Variants in ABAT observed in about 807,000 individuals in gnomAD.
The protein encoded by ABAT is 4-aminobutyrate aminotransferase, mitochondrial.
Under a neutral mutation model 64.6 loss-of-function variants are expected in ABAT, and 45 were observed. The observed-to-expected ratio is 0.70, with a 90% CI of 0.55 to 0.89. The LOEUF is 0.89. Among genes scored for constraint, ABAT ranks in the 40% least tolerant of loss-of-function variants. ABAT has a pLI of 0.00. For missense variants in ABAT, 633 were observed against 658.4 expected (o/e 0.96, Z 0.42); for synonymous variants, 297 against 250.5 (o/e 1.19, Z -1.75).
intron 9 of ABAT, among the ~76,000 whole-genome samples, chr16:8,767,713 T>G (rs772216074): frequency 5.3e-5 from 8 of 152,216 alleles, no homozygotes; most frequent in Non-Finnish European, 1.0e-4. Context: ...CTCGCTCTTG[T>G]TGACCAGGCT....
chr16:8,739,739 C>T (rs1026564292), intron 2 of ABAT, among the ~76,000 whole-genome samples: 8 of 137,334 alleles, frequency 5.8e-5, no homozygotes, highest in African/African-American at 2.1e-4. Context: ...CATGGAAATA[C>T]AGGCACAATG....
chr16:8,754,977 C>A (rs1596458007), intron 5 of ABAT, among the ~76,000 whole-genome samples: 1 of 152,170 alleles, frequency 6.6e-6, no homozygotes, highest in African/African-American at 2.4e-5. Flanking sequence ...CCTCGGCCTC[C>A]CAAGTGAGAT....
intron 1 of ABAT, among the ~76,000 whole-genome samples, chr16:8,726,996 G>C (rs752791820): frequency 6.6e-6 from 1 of 152,170 alleles, no homozygotes; most frequent in Non-Finnish European, 1.5e-5. Context: ...CTTCTTTTGA[G>C]AAATATCTAT....
At chr16:8,780,887 C>A (rs1314918466) in intron 15 of ABAT, 2 of 432,996 alleles carry the variant, frequency 4.6e-6, no homozygotes, top group African/African-American at 4.0e-5. Flanking sequence ...GCACCTCACA[C>A]ATGCTTCCGA....
At chr16:8,698,354 A>G (rs1359184745) in intron 1 of ABAT, among the ~76,000 whole-genome samples, 2 of 149,528 alleles carry the variant, frequency 1.3e-5, no homozygotes. Context: ...TTTCTTTGAG[A>G]CGGAGTTCCA....
chr16:8,781,630 G>T lies in ABAT; in HGVS notation c.*200G>T. ...TGGTGTTGATTTTCCTCCCTGCAGA[G>T]CCAATGGTGCACATTGGTTTAAGCC... On this transcript the variant is annotated 3_prime_UTR_variant, in exon 16 of 16. Coordinates refer to ENST00000268251, the MANE Select transcript of ABAT (RefSeq NM_020686.6). The surrounding 1 kb of genome is among the most constrained non-coding windows in gnomAD (Gnocchi z 4.5). The T allele has an allele frequency of 2.9e-6, 2 of 690,904 alleles. No individual in the cohort carries two copies. The highest frequency in any genetic ancestry group is 5.0e-6 in the Non-Finnish European group (2 of 403,886). The allele number at this position is 690,904 out of a possible 1,614,324, so 42.8% of individuals were successfully genotyped here.
chr16:8,769,096 GA>G, intron 11 of ABAT, 123 bp downstream of exon 11: 1 of 1,383,110 alleles, frequency 7.2e-7, no homozygotes, highest in Non-Finnish European at 1.0e-6. Flanking sequence ...TGCTCCCCCA[GA>G]GGGAAGCAGG....
At chr16:8,765,960 A>G in intron 8 of ABAT, 2 of 450,432 alleles carry the variant, frequency 4.4e-6, no homozygotes, top group South Asian at 2.0e-5. Flanking sequence ...CGCTCTCAGC[A>G]GATCTTAATC....
chr16:8,676,428 T>A (rs1169925532), intron 1 of ABAT, among the ~76,000 whole-genome samples: 1 of 152,058 alleles, frequency 6.6e-6, no homozygotes, highest in Non-Finnish European at 1.5e-5. Context: ...ACTTGGGGAC[T>A]GCTGGGTCCC....
intron 1 of ABAT, among the ~76,000 whole-genome samples, chr16:8,676,041 T>A (rs1448769925): frequency 9.1e-6 from 1 of 109,546 alleles, no homozygotes; most frequent in South Asian, 3.4e-4. Context: ...GACCTGGGGG[T>A]GGGGAGGGGG....
At chr16:8,678,236 C>T (rs1730957) in intron 1 of ABAT, among the ~76,000 whole-genome samples, 38,039 of 152,038 alleles carry the variant, frequency 0.25, 5,116 homozygotes, top group African/African-American at 0.33. Context: ...TTGTTTTTCT[C>T]TTTAGTAGAG....
intron 1 of ABAT, among the ~76,000 whole-genome samples, chr16:8,711,074 A>C (rs2058060231): frequency 6.6e-6 from 1 of 152,202 alleles, no homozygotes; most frequent in South Asian, 2.1e-4. Context: ...AATTTATATC[A>C]ATGAGACAAA....
At chr16:8,742,276 C>A (rs1374112215) in intron 2 of ABAT, among the ~76,000 whole-genome samples, 1 of 152,212 alleles carries the variant, frequency 6.6e-6, no homozygotes. Context: ...CGCAGCTCCC[C>A]CTGTGTACTG....
chr16:8,772,927 C>T lies in ABAT; in HGVS notation c.954+10C>T. 1.2e-6 allele frequency: 2 copies of T among 1,613,244 alleles called. No homozygotes were observed. Among genetic ancestry groups the T allele is most frequent in the Non-Finnish European group, 1.7e-6 (2 of 1,179,950 alleles). On this transcript the variant is annotated intron_variant, in intron 12 of 15. Transcript: ENST00000268251. ...AGACATCGCCAGGAAGGTCAGTGGACAGGGCCGAGGTTGGATGGAGCCATT... is the reference window on the plus strand; with the variant it reads ...AGACATCGCCAGGAAGGTCAGTGGATAGGGCCGAGGTTGGATGGAGCCATT...
At chr16:8,746,247 A>G (rs1254818742) in intron 3 of ABAT, 149 bp downstream of exon 3, 1 of 720,268 alleles carries the variant, frequency 1.4e-6, no homozygotes, top group East Asian at 2.8e-5. Context: ...CAATGAGGCC[A>G]TTTTGCCATA....
At chr16:8,765,741 G>A (rs9937937) in intron 8 of ABAT, 11,542 of 153,442 alleles carry the variant, frequency 0.075, 1,290 homozygotes, top group African/African-American at 0.24. Context: ...AAGGTCTCTG[G>A]GTTGTGCCTC....
intron 1 of ABAT, among the ~76,000 whole-genome samples, chr16:8,723,809 T>TATATATA (rs2058445970): frequency 4.5e-5 from 2 of 44,808 alleles, no homozygotes; most frequent in Admixed American, 4.2e-4. Context: ...TCCAAGCTTT[T>TATATATA]TATATATATA....
At chr16:8,766,050 C>T (rs895480588) in intron 8 of ABAT, 158 bp from the exon 9 acceptor site, 11 of 690,626 alleles carry the variant, frequency 1.6e-5, no homozygotes, top group South Asian at 4.8e-5. Flanking sequence ...AGTTGGTAGC[C>T]TCACGTTTCA....
chr16:8,776,898 T>C lies in ABAT; in HGVS notation c.1269+408T>C, dbSNP rs2060280848. ...CTTTCTTATTTATTTTATTTTATTT[T>C]ATTTGTCTATTTATTTTTTGAGACC... is the stretch of plus-strand genomic sequence containing the variant. On this transcript the variant is annotated intron_variant, in intron 14 of 15. Coordinates refer to ENST00000268251, the MANE Select transcript of ABAT (RefSeq NM_020686.6). The surrounding 1 kb of genome is among the most constrained non-coding windows in gnomAD (Gnocchi z 4.4). Among the ~76,000 whole-genome samples, 1 of 151,606 alleles carries C rather than the reference T, an allele frequency of 6.6e-6. No homozygotes were observed. The highest frequency in any genetic ancestry group is 1.5e-5 in the Non-Finnish European group (1 of 67,902).
Sources: gnomAD v4.1 joint callset for allele counts (sites outside exome capture counted in the v4.1 genomes callset) on GRCh38, gnomAD v4.1.1 for gene constraint, Gnocchi (gnomAD v3.1) non-coding constraint, MANE v1.5 for transcripts, NCBI Gene and HGNC (gene_info 2026-07-23, HGNC 2026-07-21) for gene names.